Variants in NLRP6 observed in about 807,000 individuals in gnomAD.
The protein encoded by NLRP6 is NACHT, LRR and PYD domains-containing protein 6.
In NLRP6, 55 loss-of-function variants were observed where a neutral mutation model predicts 70.9. The ratio of observed to expected loss-of-function variants is 0.78; its 90% confidence interval spans 0.62 to 0.97. NLRP6 has a LOEUF of 0.97. Among genes scored for constraint, NLRP6 ranks in the 50% least tolerant of loss-of-function variants. The pLI is 0.00. For synonymous variants in NLRP6, 652 were observed against 581.9 expected (o/e 1.12, Z -1.73); for missense variants, 1,241 against 1,238.3 (o/e 1.00, Z -0.03).
chr11:284,714 C>G, intron 7 of NLRP6, 72 bp downstream of exon 7: 2 of 1,447,118 alleles, frequency 1.4e-6, no homozygotes, highest in Non-Finnish European at 1.9e-6. Context: ...TGCCTGGGGG[C>G]TCCCCCTGGA....
Position 285,324 on chromosome 11 carries a change from G to A in NLRP6, c.*20G>A, listed in dbSNP as rs1461184903. ...TTCTGAGGCTCTGGTGGCCAGAGCAGGGTGGAAGACCCTAGTCAAAGTCCC... is the reference window on the plus strand; with the variant it reads ...TTCTGAGGCTCTGGTGGCCAGAGCAAGGTGGAAGACCCTAGTCAAAGTCCC... On this transcript the variant is annotated 3_prime_UTR_variant, in exon 8 of 8. Transcript: ENST00000534750. The A allele has an allele frequency of 1.2e-6, 2 of 1,604,038 alleles. No individual in the cohort carries two copies. Among genetic ancestry groups the A allele is most frequent in the South Asian group, 1.1e-5 (1 of 89,322 alleles).
rs768924346 is a variant in NLRP6 at position 280,325 on chromosome 11, C to T, written c.591C>T (p.Thr197=). 7 of 1,506,922 alleles carry T rather than the reference C, an allele frequency of 4.6e-6. No homozygotes were observed. The African/African-American group carries it at 8.6e-5, about 18-fold the overall frequency. The allele number at this position is 1,506,922 out of a possible 1,614,324, so 93.3% of individuals were successfully genotyped here. A position where few individuals can be genotyped will look rare whatever the true frequency, so the allele number is the denominator to read the frequency against. ...ACGAGGAGGGCCGGCGGCCGCTGAC[C>T]GTGGTGCTGCAGGGCCCGGCGGGCA... ...RRDEEGRRPL[T]VVLQGPAGIG... The change falls in exon 4 of 8, where the codon ACC becomes ACT. Residue 197 remains threonine (T), a synonymous_variant. Coordinates refer to ENST00000534750, the MANE Select transcript of NLRP6 (RefSeq NM_001276700.2).
At chr11:284,692 G>A (rs1303754060) in intron 7 of NLRP6, 50 bp downstream of exon 7, 1 of 1,532,460 alleles carries the variant, frequency 6.5e-7, no homozygotes, top group Non-Finnish European at 8.8e-7. Flanking sequence ...GTCAACCCGG[G>A]GAGGGGGAGG....
intron 5 of NLRP6, among the ~76,000 whole-genome samples, chr11:283,773 A>G (rs1845512994): frequency 6.6e-6 from 1 of 151,812 alleles, no homozygotes; most frequent in African/African-American, 2.4e-5. Context: ...GGGGTGGGGG[A>G]TTTGGCAATC....
chr11:283,017 T>C (rs1406045831), intron 5 of NLRP6, among the ~76,000 whole-genome samples: 1 of 151,922 alleles, frequency 6.6e-6, no homozygotes, highest in East Asian at 1.9e-4. Flanking sequence ...TAGGAAAAGG[T>C]TGGTCCTGGT....
chr11:281,629 CG>C lies in NLRP6; in HGVS notation c.1896del (p.Phe633LeufsTer27). 6.2e-7 allele frequency: 1 copy of C among 1,612,900 alleles called. No individual in the cohort carries two copies. The highest frequency in any genetic ancestry group is 1.1e-5 in the South Asian group (1 of 90,988). On this transcript the variant is annotated frameshift_variant, in exon 4 of 8. Transcript: ENST00000534750. LOFTEE classifies it high-confidence loss of function. The part of the protein sequence containing the change: ...LYCLYETQED[A>X]FVRQALCRFP... ...TGCCTGTACGAGACGCAGGAGGACGCGTTTGTGCGCCAAGCCCTGTGCCGGT... is the reference window on the plus strand; with the variant it reads ...TGCCTGTACGAGACGCAGGAGGACGCTTTGTGCGCCAAGCCCTGTGCCGGT...
At position 281,569 on chromosome 11, in the gene NLRP6, G is replaced by C; in HGVS notation, c.1835G>C (p.Gly612Ala). 2 of 1,611,210 alleles carry C rather than the reference G, an allele frequency of 1.2e-6. No homozygotes were observed. Among genetic ancestry groups the C allele is most frequent in the Non-Finnish European group, 1.7e-6 (2 of 1,178,770 alleles). Residue 612 changes from glycine (G) to alanine (A), a missense_variant, in exon 4 of 8, where the codon GGA becomes GCA. Coordinates refer to ENST00000534750, the MANE Select transcript of NLRP6 (RefSeq NM_001276700.2). ...GAAGAGCCAGAGGAGGAGGAGGAGG[G>C]AGAGGAGCCCAACTACCCACTGGAG... ...DTEEPEEEEEGEEPNYPLELL... is the reference protein window; with the variant it reads ...DTEEPEEEEEAEEPNYPLELL...
Position 281,425 on chromosome 11 carries a change from G to C in NLRP6, c.1691G>C (p.Gly564Ala), listed in dbSNP as rs751522584. The stretch of plus-strand genomic sequence containing the variant: ...ATGCGCGACATCGAGCGCCACTTCG[G>C]CTGCATGGTTTCAGAGCGTGTGAAG... ...ERMRDIERHF[G>A]CMVSERVKQE... The change falls in exon 4 of 8, where the codon GGC (glycine) becomes GCC (alanine). Residue 564 changes from glycine to alanine, a missense_variant. Gly to Ala is a moderately conservative substitution (Grantham distance 60). Coordinates refer to ENST00000534750, the MANE Select transcript of NLRP6 (RefSeq NM_001276700.2). 3.1e-6 allele frequency: 5 copies of C among 1,607,922 alleles called. No homozygotes were observed. The highest frequency in any genetic ancestry group is 3.4e-6 in the Non-Finnish European group (4 of 1,177,336).
At position 280,265 on chromosome 11, in the gene NLRP6, G is replaced by T; in HGVS notation, c.531G>T (p.Ser177=). ...EEPEPGRARR[S]DTHTFNRLFR... Reference sequence around the variant, plus strand: ...CTGAGCCGGGGCGCGCGCGGCGCTCGGACACGCACACTTTCAACCGCCTCT... The same window carrying T: ...CTGAGCCGGGGCGCGCGCGGCGCTCTGACACGCACACTTTCAACCGCCTCT... Residue 177 remains serine, a synonymous_variant, in exon 4 of 8, where the codon TCG becomes TCT. Coordinates refer to ENST00000534750, the MANE Select transcript of NLRP6 (RefSeq NM_001276700.2). The T allele has an allele frequency of 2.0e-6, 3 of 1,519,992 alleles. No individual in the cohort carries two copies. Among genetic ancestry groups the T allele is most frequent in the Non-Finnish European group, 2.6e-6 (3 of 1,135,094 alleles). The allele number at this position is 1,519,992 out of a possible 1,614,324, so 94.2% of individuals were successfully genotyped here. A position where few individuals can be genotyped will look rare whatever the true frequency, so the allele number is the denominator to read the frequency against.
At position 280,640 on chromosome 11, in the gene NLRP6, G is replaced by T; in HGVS notation, c.906G>T (p.Ala302=). ...AAPCTDPFEA[A]SGARVLGGLL... is the part of the protein sequence containing the mutation. Reference sequence around the variant, plus strand: ...CCTGCACAGACCCCTTCGAGGCGGCGAGCGGCGCGCGGGTGCTAGGCGGGC... The same window carrying T: ...CCTGCACAGACCCCTTCGAGGCGGCTAGCGGCGCGCGGGTGCTAGGCGGGC... The change falls in exon 4 of 8, where the codon GCG becomes GCT. Residue 302 remains alanine, a synonymous_variant. Coordinates refer to ENST00000534750, the MANE Select transcript of NLRP6 (RefSeq NM_001276700.2). 1.3e-6 allele frequency: 2 copies of T among 1,505,890 alleles called. No homozygotes were observed. The highest frequency in any genetic ancestry group is 1.8e-6 in the Non-Finnish European group (2 of 1,136,230). The allele number at this position is 1,505,890 out of a possible 1,614,324, so 93.3% of individuals were successfully genotyped here.
chr11:284,691 G>C, intron 7 of NLRP6, 49 bp downstream of exon 7: 1 of 1,531,544 alleles, frequency 6.5e-7, no homozygotes, highest in Non-Finnish European at 8.8e-7. Context: ...TGTCAACCCG[G>C]GGAGGGGGAG....
In NLRP6 at chr11:279,845, G is replaced by T. The variant is rs765169020; in HGVS notation, c.322G>T (p.Gly108Cys). The T allele has an allele frequency of 2.4e-5, 38 of 1,569,540 alleles. No homozygotes were observed. Among genetic ancestry groups the T allele is most frequent in the Non-Finnish European group, 3.1e-5 (36 of 1,161,716 alleles). ...AGTTTCCCTTCCAGGGCTCGGGCTC[G>T]GCTCCGGGACGCTGCTCTCCGTGTC... ...QERRLQRLGLGSGTLLSVSEY... is the reference protein window; with the variant it reads ...QERRLQRLGLCSGTLLSVSEY... Residue 108 changes from glycine to cysteine, a missense_variant, in exon 3 of 8, where the codon GGC becomes TGC. Coordinates refer to ENST00000534750, the MANE Select transcript of NLRP6 (RefSeq NM_001276700.2).
chr11:282,281 AC>A (rs1034893085), intron 4 of NLRP6, among the ~76,000 whole-genome samples: 23 of 151,682 alleles, frequency 1.5e-4, no homozygotes, highest in South Asian at 1.5e-3. Context: ...CCTTTCGACC[AC>A]CCTGCTGTGA....
At position 284,354 on chromosome 11, in the gene NLRP6, C is replaced by A; in HGVS notation, c.2323C>A (p.Leu775Met). 6.2e-7 allele frequency: 1 copy of A among 1,608,296 alleles called. No homozygotes were observed. Among genetic ancestry groups the A allele is most frequent in the Non-Finnish European group, 8.5e-7 (1 of 1,177,494 alleles). The change falls in exon 6 of 8, where the codon CTG becomes ATG. Residue 775 changes from leucine (L) to methionine (M), a missense_variant. Transcript: ENST00000534750. ...GCTCAGTGAGGCGGGACTGCGTATG[C>A]TGAGTGAGGGCCTAGCCTGGCCGCA... ...NRLSEAGLRM[L>M]SEGLAWPQCR...
chr11:280,004 G>C, intron 3 of NLRP6, 80 bp from the exon 4 acceptor site: 2 of 1,414,192 alleles, frequency 1.4e-6, no homozygotes, highest in Admixed American at 2.9e-5. Context: ...GAGCAGGGCC[G>C]GGGAGGGCGT....
rs531634085 is a variant in NLRP6, at chr11:278,554, G to A, written c.-16G>A. The A allele has an allele frequency of 5.0e-6, 8 of 1,585,178 alleles. No individual in the cohort carries two copies. The African/African-American group carries it at 9.6e-5, about 19-fold the overall frequency. On this transcript the variant is annotated 5_prime_UTR_variant, in exon 1 of 8. Coordinates refer to ENST00000534750, the MANE Select transcript of NLRP6 (RefSeq NM_001276700.2). This position sits in a 1 kb window ranked among gnomAD's most constrained non-coding sequence, Gnocchi z 4.7. ...CCTCTGCCCCGGAGTGCTAGACCCA[G>A]GGAGGAAGAGACCCCATGGACCAGC...
chr11:284,411 G>T lies in NLRP6; in HGVS notation c.2369+11G>T. The stretch of plus-strand genomic sequence containing the variant: ...GGTGCAGACGGTCAGGTGAGGCCTG[G>T]CCTGGGAGGGACCGTGGGATGCCCC... On this transcript the variant is annotated intron_variant, in intron 6 of 7. Coordinates refer to ENST00000534750, the MANE Select transcript of NLRP6 (RefSeq NM_001276700.2). The T allele has an allele frequency of 6.3e-7, 1 of 1,599,768 alleles. No homozygotes were observed.
Position 282,734 on chromosome 11 carries a change from C to A in NLRP6, c.2135C>A (p.Ala712Asp). 6.2e-7 allele frequency: 1 copy of A among 1,614,130 alleles called. No individual in the cohort carries two copies. The highest frequency in any genetic ancestry group is 8.5e-7 in the Non-Finnish European group (1 of 1,179,962). ...SSQGTTKQLP[A>D]SLLHPLFQAM... Reference sequence around the variant, plus strand: ...CAAGGCACCACAAAACAACTGCCAGCCTCCCTTCTTCATCCACTCTTTCAG... The same window carrying A: ...CAAGGCACCACAAAACAACTGCCAGACTCCCTTCTTCATCCACTCTTTCAG... Residue 712 changes from alanine (A) to aspartate (D), a missense_variant, in exon 5 of 8, where the codon GCC becomes GAC. Transcript: ENST00000534750.
chr11:284,226 A>G lies in NLRP6; in HGVS notation c.2199-4A>G. On this transcript the variant is annotated splice_region_variant and splice_polypyrimidine_tract_variant and intron_variant, in intron 5 of 7. Coordinates refer to ENST00000534750, the MANE Select transcript of NLRP6 (RefSeq NM_001276700.2). Reference sequence around the variant, plus strand: ...AGGTAAATCTCTGTGCTTCTTGACCACAGGCTGTCCCACTGCAAACTCCCT... The same window carrying G: ...AGGTAAATCTCTGTGCTTCTTGACCGCAGGCTGTCCCACTGCAAACTCCCT... The G allele has an allele frequency of 6.2e-7, 1 of 1,613,136 alleles. No homozygotes were observed. The highest frequency in any genetic ancestry group is 8.5e-7 in the Non-Finnish European group (1 of 1,179,904).
Sources: gnomAD v4.1 joint callset for allele counts (sites outside exome capture counted in the v4.1 genomes callset) on GRCh38, gnomAD v4.1.1 for gene constraint, Gnocchi (gnomAD v3.1) non-coding constraint, MANE v1.5 for transcripts, NCBI Gene and HGNC (gene_info 2026-07-23, HGNC 2026-07-21) for gene names.